The following ST3GAL1 variants were observed in gnomAD, a reference collection of about 807,000 sequenced individuals.
ST3GAL1 encodes the protein CMP-N-acetylneuraminate-beta-galactosamide-alpha-2,3-sialyltransferase 1.
A neutral mutation model predicts 34.1 loss-of-function variants in ST3GAL1; 16 were observed. The ratio of observed to expected loss-of-function variants is 0.47; its 90% confidence interval spans 0.32 to 0.71. The LOEUF (loss-of-function observed/expected upper bound fraction) is 0.71, where lower values mean the gene tolerates loss of function less well. ST3GAL1 is among the 30% of genes least tolerant of loss of function. The pLI is 0.04. For synonymous variants in ST3GAL1, 191 were observed against 184.7 expected (o/e 1.03, Z -0.28); for missense variants, 353 against 447.4 (o/e 0.79, Z 1.90).
chr8:133,476,996 A>G (rs1393889548), intron 3 of ST3GAL1, among the ~76,000 whole-genome samples: 1 of 152,228 alleles, frequency 6.6e-6, no homozygotes, highest in Non-Finnish European at 1.5e-5. Context: ...CAACAAGCAC[A>G]ACAACAATGG....
Position 133,508,049 on chromosome 8 carries a change from C to T in ST3GAL1, c.-428-8860G>A, listed in dbSNP as rs1212154828. Among the ~76,000 whole-genome samples, 1 of 152,208 alleles carries T rather than the reference C, an allele frequency of 6.6e-6. No homozygotes were observed. Among genetic ancestry groups the T allele is most frequent in the African/African-American group, 2.4e-5 (1 of 41,460 alleles). On this transcript the variant is annotated intron_variant, in intron 2 of 9. Transcript: ENST00000522652. This position sits in a 1 kb window ranked among gnomAD's most constrained non-coding sequence, Gnocchi z 4.1. ...ACCCTAGGCAGCCCACAGACAATGA[C>T]AGAGGGACATGGGGTTACACAGGGT...
At chr8:133,501,891 T>C (rs925245935) in intron 2 of ST3GAL1, among the ~76,000 whole-genome samples, 15 of 152,184 alleles carry the variant, frequency 9.9e-5, no homozygotes, top group African/African-American at 3.6e-4. Context: ...AAGCCTTGTC[T>C]TAATGAGGTG....
rs558785006 is a variant in ST3GAL1 at position 133,546,150 on chromosome 8, G to A, written c.-581-224C>T. Among the ~76,000 whole-genome samples the A allele has an allele frequency of 2.6e-5, 4 of 152,246 alleles. No homozygotes were observed. In the South Asian group the frequency reaches 8.3e-4, roughly 32 times the overall value. On this transcript the variant is annotated intron_variant, in intron 1 of 9. Coordinates refer to ENST00000522652, the MANE Select transcript of ST3GAL1 (RefSeq NM_173344.3). ...AGTAACTCACAACTCCTCTCCGCAG[G>A]GAGTTCAGACTGGGAGAAAACAGAA...
chr8:133,569,377 T>C (rs903311292), intron 1 of ST3GAL1, among the ~76,000 whole-genome samples: 2 of 152,340 alleles, frequency 1.3e-5, no homozygotes, highest in Admixed American at 6.5e-5. Context: ...TACACACATG[T>C]AGAGTATGAA....
intron 3 of ST3GAL1, among the ~76,000 whole-genome samples, chr8:133,486,588 G>A (rs1469051159): frequency 2.6e-5 from 4 of 152,242 alleles, no homozygotes; most frequent in Non-Finnish European, 5.9e-5. Context: ...GGTGAGGCCT[G>A]AGAGGAGGTC....
rs539226059 is a variant in ST3GAL1, at chr8:133,571,731, A to G, written c.-620T>C. The G allele has an allele frequency of 6.6e-6, 1 of 152,538 alleles. No individual in the cohort carries two copies. The highest frequency in any genetic ancestry group is 1.5e-5 in the Non-Finnish European group (1 of 68,360). The allele number at this position is 152,538 out of a possible 1,614,324, so 9.4% of individuals were successfully genotyped here. ...ACGCTGGAGTTTCCGGGATTTGGGC[A>G]TGAAGGGGTTCGGAGGAGAATACAG... On this transcript the variant is annotated 5_prime_UTR_variant, in exon 1 of 10. The change abolishes an upstream ATG in the 5' untranslated region. Transcript: ENST00000522652. The surrounding 1 kb of genome is among the most constrained non-coding windows in gnomAD (Gnocchi z 6.7).
At chr8:133,468,963 G>C (rs1815846692) in intron 5 of ST3GAL1, among the ~76,000 whole-genome samples, 1 of 152,280 alleles carries the variant, frequency 6.6e-6, no homozygotes, top group African/African-American at 2.4e-5. Flanking sequence ...ATGTGCCCAG[G>C]CCCAGGGGGT....
chr8:133,519,993 C>A (rs748897078), intron 2 of ST3GAL1, among the ~76,000 whole-genome samples: 1 of 152,048 alleles, frequency 6.6e-6, no homozygotes, highest in Admixed American at 6.6e-5. Context: ...TAAAGGAATG[C>A]GGGCAAGGAT....
intron 3 of ST3GAL1, among the ~76,000 whole-genome samples, chr8:133,484,208 G>A (rs187990222): frequency 6.6e-6 from 1 of 152,318 alleles, no homozygotes; most frequent in Admixed American, 6.5e-5. Context: ...CGACCTCCTA[G>A]CTGAGAGGTC....
At chr8:133,568,440 G>A (rs1233113799) in intron 1 of ST3GAL1, among the ~76,000 whole-genome samples, 1 of 152,348 alleles carries the variant, frequency 6.6e-6, no homozygotes, top group Admixed American at 6.5e-5. Context: ...ACAACGGAAC[G>A]AAGCTGCATC....
chr8:133,540,796 C>A (rs1001239216), intron 2 of ST3GAL1, among the ~76,000 whole-genome samples: 1 of 117,014 alleles, frequency 8.5e-6, no homozygotes, highest in Non-Finnish European at 1.8e-5. Context: ...TATATATAGA[C>A]ATATATATAG....
At chr8:133,505,170 C>T (rs1296368044) in intron 2 of ST3GAL1, among the ~76,000 whole-genome samples, 1 of 152,106 alleles carries the variant, frequency 6.6e-6, no homozygotes, top group Non-Finnish European at 1.5e-5. Context: ...GTCTTGCAAG[C>T]AGAAGCACTG....
intron 6 of ST3GAL1, among the ~76,000 whole-genome samples, chr8:133,465,167 G>A (rs1246874430): frequency 3.3e-5 from 5 of 152,166 alleles, no homozygotes; most frequent in African/African-American, 1.2e-4. Flanking sequence ...CCTCAAGGGA[G>A]TCTAGCCATC....
At chr8:133,496,810 A>C (rs1273233471) in intron 3 of ST3GAL1, among the ~76,000 whole-genome samples, 1 of 152,202 alleles carries the variant, frequency 6.6e-6, no homozygotes, top group East Asian at 1.9e-4. Context: ...TGTCCAGGCC[A>C]CGGCACCCAA....
At chr8:133,527,929 C>G (rs960856573) in intron 2 of ST3GAL1, among the ~76,000 whole-genome samples, 17 of 152,010 alleles carry the variant, frequency 1.1e-4, no homozygotes, top group Admixed American at 1.1e-3. Flanking sequence ...AATCCCACCA[C>G]TTTGGGAGGC....
chr8:133,562,704 T>A (rs751873572), intron 1 of ST3GAL1, among the ~76,000 whole-genome samples: 3 of 152,000 alleles, frequency 2.0e-5, no homozygotes, highest in Non-Finnish European at 4.4e-5. Context: ...GAGAATAGAG[T>A]CCTTTAATAC....
At chr8:133,477,919 A>G (rs7463447) in intron 3 of ST3GAL1, among the ~76,000 whole-genome samples, 74,605 of 151,882 alleles carry the variant, frequency 0.49, 18,899 homozygotes, top group East Asian at 0.85. Context: ...AGAAAGGGGG[A>G]CAGCTCCAAA....
At chr8:133,502,520 CAGAA>C (rs1817213962) in intron 2 of ST3GAL1, among the ~76,000 whole-genome samples, 1 of 152,008 alleles carries the variant, frequency 6.6e-6, no homozygotes, top group Non-Finnish European at 1.5e-5. Context: ...ATTTGCAAGC[CAGAA>C]AGAGAGCCCT....
chr8:133,486,203 G>A (rs1816588285), intron 3 of ST3GAL1, among the ~76,000 whole-genome samples: 1 of 152,218 alleles, frequency 6.6e-6, no homozygotes. Context: ...CTACTGGTGT[G>A]AAGTGGATGG....
Sources: gnomAD v4.1 joint callset for allele counts (sites outside exome capture counted in the v4.1 genomes callset) on GRCh38, gnomAD v4.1.1 for gene constraint, Gnocchi (gnomAD v3.1) non-coding constraint, MANE v1.5 for transcripts, NCBI Gene and HGNC (gene_info 2026-07-23, HGNC 2026-07-21) for gene names.